TP63: variants seen among roughly 807,000 people sequenced by gnomAD.
The protein encoded by TP63 is tumor protein 63.
A neutral mutation model predicts 82.8 loss-of-function variants in TP63; 17 were observed. The observed-to-expected ratio is 0.21, with a 90% CI of 0.14 to 0.31. The LOEUF (loss-of-function observed/expected upper bound fraction) is 0.31, where lower values mean the gene tolerates loss of function less well. Ranked by LOEUF, TP63 falls within the 10% of genes least tolerant of loss-of-function variation. The probability of loss-of-function intolerance (pLI) is 1.00; values close to 1 mark genes in which losing one functional copy is unlikely to be tolerated. For synonymous variants in TP63, 330 were observed against 321.7 expected (o/e 1.03, Z -0.28); for missense variants, 648 against 895.3 (o/e 0.72, Z 3.52).
intron 3 of TP63, among the ~76,000 whole-genome samples, chr3:189,774,931 T>C (rs1249991005): frequency 6.6e-6 from 1 of 151,960 alleles, no homozygotes; most frequent in African/African-American, 2.4e-5. Flanking sequence ...AGAAAGGAAA[T>C]TGACAGCCGG....
At chr3:189,761,809 G>A (rs553826628) in intron 3 of TP63, among the ~76,000 whole-genome samples, 2 of 152,346 alleles carry the variant, frequency 1.3e-5, no homozygotes, top group South Asian at 4.1e-4. Context: ...GTTCCACATG[G>A]CTGGGGAGGC....
intron 1 of TP63, among the ~76,000 whole-genome samples, chr3:189,650,895 A>G (rs1470297291): frequency 6.8e-6 from 1 of 146,998 alleles, no homozygotes; most frequent in Non-Finnish European, 1.5e-5. Flanking sequence ...GGAACTTCCT[A>G]GAGATCCGGA....
At chr3:189,729,549 T>A (rs150703968) in intron 1 of TP63, among the ~76,000 whole-genome samples, 1 of 152,320 alleles carries the variant, frequency 6.6e-6, no homozygotes, top group Admixed American at 6.5e-5. Context: ...AATAAATTCC[T>A]TGATAAGAAT....
chr3:189,699,685 G>A (rs1717658731), intron 1 of TP63, among the ~76,000 whole-genome samples: 1 of 151,906 alleles, frequency 6.6e-6, no homozygotes, highest in Admixed American at 6.6e-5. Flanking sequence ...AAAAATCCTA[G>A]CATTTATGAA....
intron 3 of TP63, among the ~76,000 whole-genome samples, chr3:189,802,176 A>T (rs1726381769): frequency 6.6e-6 from 1 of 152,194 alleles, no homozygotes; most frequent in South Asian, 2.1e-4. Context: ...TCCTGCTGAT[A>T]TTTGGGGATG....
At chr3:189,752,123 C>T (rs1721864966) in intron 3 of TP63, among the ~76,000 whole-genome samples, 1 of 151,974 alleles carries the variant, frequency 6.6e-6, no homozygotes, top group African/African-American at 2.4e-5. Context: ...TTAATTTCAT[C>T]AAAATTGTTG....
At chr3:189,800,844 T>C (rs955310863) in intron 3 of TP63, among the ~76,000 whole-genome samples, 2 of 152,210 alleles carry the variant, frequency 1.3e-5, no homozygotes, top group Non-Finnish European at 2.9e-5. Flanking sequence ...AAGTAATTGC[T>C]CATTTTCTTT....
Position 189,647,950 on chromosome 3 carries a change from C to A in TP63, c.62+16373C>A, listed in dbSNP as rs572870539. 1.7e-3 allele frequency among the ~76,000 whole-genome samples: 250 copies of A among 143,688 alleles called. 19 individuals are homozygous for A. The highest frequency in any genetic ancestry group is 0.014 in the Middle Eastern group (4 of 284). The allele number at this position is 143,688 out of a possible 152,430, so 94.3% of individuals were successfully genotyped here. ...CTATTAAGAGAGCCTATGATATAGA[C>A]TGTATTTCGTAACTAAGATTAAAGA... On this transcript the variant is annotated intron_variant, in intron 1 of 13. Coordinates refer to ENST00000264731, the MANE Select transcript of TP63 (RefSeq NM_003722.5).
At chr3:189,739,274 C>T (rs147998197) in intron 3 of TP63, among the ~76,000 whole-genome samples, 1 of 152,088 alleles carries the variant, frequency 6.6e-6, no homozygotes. Flanking sequence ...CACCACCACA[C>T]CTGGCTAATT....
intron 3 of TP63, among the ~76,000 whole-genome samples, chr3:189,786,510 AAC>A (rs563267591): frequency 1.5e-3 from 222 of 150,958 alleles, no homozygotes; most frequent in African/African-American, 5.2e-3. Flanking sequence ...TACAAACACA[AAC>A]ACAGGAAAAT....
intron 1 of TP63, among the ~76,000 whole-genome samples, chr3:189,687,992 T>C (rs1424737637): frequency 7.0e-6 from 1 of 143,308 alleles, no homozygotes; most frequent in Non-Finnish European, 1.6e-5. Context: ...AGTAATGTGA[T>C]CTGAAAGAAA....
At chr3:189,678,506 G>A (rs559827341) in intron 1 of TP63, among the ~76,000 whole-genome samples, 1 of 152,096 alleles carries the variant, frequency 6.6e-6, no homozygotes, top group African/African-American at 2.4e-5. Flanking sequence ...ATAATTTTAA[G>A]TAATATAACA....
intron 1 of TP63, among the ~76,000 whole-genome samples, chr3:189,711,308 A>G (rs116808946): frequency 0.018 from 2,748 of 152,240 alleles, 41 homozygotes; most frequent in Non-Finnish European, 0.024. Context: ...TAATTCAACA[A>G]TTCCTCTTGA....
At chr3:189,860,695 G>A (rs1481122997) in intron 4 of TP63, among the ~76,000 whole-genome samples, 1 of 152,126 alleles carries the variant, frequency 6.6e-6, no homozygotes, top group Admixed American at 6.6e-5. Context: ...CACTAAAATT[G>A]GAAAATATGG....
the TP63 span, among the ~76,000 whole-genome samples, chr3:189,598,223 A>G: frequency 6.6e-6 from 1 of 150,618 alleles, no homozygotes; most frequent in Non-Finnish European, 1.5e-5. Flanking sequence ...TCTAGCATGC[A>G]TATAATTGGA....
intron 4 of TP63, among the ~76,000 whole-genome samples, chr3:189,832,042 G>A (rs568105014): frequency 3.6e-4 from 55 of 152,024 alleles, no homozygotes; most frequent in African/African-American, 1.3e-3. Flanking sequence ...ATGTTGGTCA[G>A]GCTGGTCTTG....
intron 1 of TP63, among the ~76,000 whole-genome samples, chr3:189,728,604 A>G (rs1719937786): frequency 6.6e-6 from 1 of 152,228 alleles, no homozygotes; most frequent in African/African-American, 2.4e-5. Context: ...GCTGCTATGA[A>G]GAGATACCTG....
At chr3:189,742,002 G>A (rs1167046214) in intron 3 of TP63, among the ~76,000 whole-genome samples, 1 of 151,930 alleles carries the variant, frequency 6.6e-6, no homozygotes, top group African/African-American at 2.4e-5. Context: ...CAGCACTTTG[G>A]GAGGCCGAGG....
rs75792708 is a variant in TP63 at position 189,801,629 on chromosome 3, A to T, written c.325-6643A>T. Among the ~76,000 whole-genome samples, 962 of 152,268 alleles carry T rather than the reference A, an allele frequency of 6.3e-3. 7 individuals carry two copies. The highest frequency in any genetic ancestry group is 0.022 in the African/African-American group (921 of 41,568). ...TTCCTGTCTTTTCAAATGTTGTGTC[A>T]AATGTTTGTTGACATTGTTGTCCAC... On this transcript the variant is annotated intron_variant, in intron 3 of 13. Coordinates refer to ENST00000264731, the MANE Select transcript of TP63 (RefSeq NM_003722.5).
Sources: gnomAD v4.1 joint callset for allele counts (sites outside exome capture counted in the v4.1 genomes callset) on GRCh38, gnomAD v4.1.1 for gene constraint, MANE v1.5 for transcripts, NCBI Gene and HGNC (gene_info 2026-07-23, HGNC 2026-07-21) for gene names.